The following ERI1 variants were observed in gnomAD, a reference collection of about 807,000 sequenced individuals.
ERI1 encodes 3'-5' exoribonuclease 1.
In ERI1, 39 loss-of-function variants were observed where a neutral mutation model predicts 39.7. The ratio of observed to expected loss-of-function variants is 0.98; its 90% CI spans 0.76 to 1.28. The LOEUF (loss-of-function observed/expected upper bound fraction) is 1.28. Among genes scored for constraint, ERI1 ranks in the 50% most tolerant of loss-of-function variants. The pLI, the probability that ERI1 is intolerant of heterozygous loss-of-function variation, is 0.00. For missense variants in ERI1, 581 were observed against 416.9 expected (o/e 1.39, Z -3.43); for synonymous variants, 204 against 149.6 (o/e 1.36, Z -2.65).
intron 2 of ERI1, among the ~76,000 whole-genome samples, chr8:9,010,900 A>C (rs1307428153): frequency 6.6e-6 from 1 of 152,180 alleles, no homozygotes; most frequent in Non-Finnish European, 1.5e-5. Context: ...ATGATAAATT[A>C]AGAAACTTAT....
chr8:9,060,939 G>A (rs960068233), intron 3 of ERI1, among the ~76,000 whole-genome samples: 1 of 152,240 alleles, frequency 6.6e-6, no homozygotes, highest in Admixed American at 6.5e-5. Context: ...CGCTTGCGTA[G>A]TGAGGAAACC....
rs1797569176 is a variant in ERI1, at chr8:9,031,259, C to G, written c.*1225C>G. 1 of 152,106 alleles carries G rather than the reference C, an allele frequency of 6.6e-6. No homozygotes were observed. Among genetic ancestry groups the G allele is most frequent in the Non-Finnish European group, 1.5e-5 (1 of 68,028 alleles). The allele number at this position is 152,106 out of a possible 1,614,324, so 9.4% of individuals were successfully genotyped here. On this transcript the variant is annotated 3_prime_UTR_variant, in exon 7 of 7. Transcript: ENST00000250263. ...TCCTCAAAGGTTTCCAAACCTATAT[C>G]ATATAGGGTGAAAAGCAGGAAAGTA...
chr8:9,011,629 T>TTA lies in ERI1; in HGVS notation c.377_378dup (p.Tyr127IlefsTer26), dbSNP rs1816681155. ...TGAAAGAGAGCAATTTTGCTGACAG[T>TTA]TATTATGACTACATTTGTATTATTG... On this transcript the variant is annotated frameshift_variant, in exon 3 of 7. Transcript: ENST00000250263. LOFTEE classifies it high-confidence loss of function. The TTA allele has an allele frequency of 6.2e-7, 1 of 1,613,406 alleles. No individual in the cohort carries two copies. The highest frequency in any genetic ancestry group is 1.7e-5 in the Admixed American group (1 of 59,978).
rs1797478551 is a variant in ERI1 at position 9,030,064 on chromosome 8, T to C, written c.*30T>C. ...AGTTTTGTGTGTGGATCATTCCAAT[T>C]GAAGTTGCTATGAAGAGGTAGCAGA... On this transcript the variant is annotated 3_prime_UTR_variant, in exon 7 of 7. Transcript: ENST00000250263. The C allele has an allele frequency of 6.2e-7, 1 of 1,607,846 alleles. No individual in the cohort carries two copies. The highest frequency in any genetic ancestry group is 8.5e-7 in the Non-Finnish European group (1 of 1,175,010).
At position 9,003,178 on chromosome 8, in the gene ERI1, A is replaced by G; in HGVS notation, c.108+7A>G. Reference sequence around the variant, plus strand: ...GCCGCGTCCCAGTCCCGAGGTGAGGAGTCGACCCGCGCCTGGCTGTTGGCG... The same window carrying G: ...GCCGCGTCCCAGTCCCGAGGTGAGGGGTCGACCCGCGCCTGGCTGTTGGCG... On this transcript the variant is annotated splice_region_variant and intron_variant, in intron 1 of 6. Transcript: ENST00000250263. The G allele has an allele frequency of 8.1e-7, 1 of 1,240,290 alleles. No homozygotes were observed. Among genetic ancestry groups the G allele is most frequent in the Non-Finnish European group, 1.0e-6 (1 of 990,282 alleles). 76.8% of individuals were successfully genotyped at this position (1,240,290 alleles called of 1,614,324 possible).
chr8:9,054,313 G>A (rs1319353672), intron 3 of ERI1, among the ~76,000 whole-genome samples: 1 of 152,046 alleles, frequency 6.6e-6, no homozygotes, highest in Non-Finnish European at 1.5e-5. Context: ...CGTCCTATTC[G>A]GCTGCACTTT....
chr8:9,075,329 G>T (rs1799175550), intron 3 of ERI1, among the ~76,000 whole-genome samples: 1 of 152,130 alleles, frequency 6.6e-6, no homozygotes, highest in South Asian at 2.1e-4. Flanking sequence ...TATACTATGA[G>T]GAAATGAGGG....
At chr8:9,065,012 TTGAGCCAGGA>T (rs1798831007) in intron 3 of ERI1, among the ~76,000 whole-genome samples, 2 of 152,080 alleles carry the variant, frequency 1.3e-5, no homozygotes, top group Non-Finnish European at 2.9e-5. Flanking sequence ...AGGGGAGCTT[TTGAGCCAGGA>T]TGAGCCAGGA....
intron 3 of ERI1, among the ~76,000 whole-genome samples, chr8:9,089,167 C>G (rs779003375): frequency 6.6e-6 from 1 of 152,190 alleles, no homozygotes; most frequent in South Asian, 2.1e-4. Context: ...CACTGAGTTT[C>G]TCTCACCTGT....
intron 3 of ERI1, among the ~76,000 whole-genome samples, chr8:9,050,194 T>C (rs1798312160): frequency 6.6e-6 from 1 of 151,460 alleles, no homozygotes; most frequent in Non-Finnish European, 1.5e-5. Flanking sequence ...AAGATAGCTA[T>C]TTTCGCCTTA....
At chr8:9,064,424 C>T (rs1281944010) in intron 3 of ERI1, among the ~76,000 whole-genome samples, 1 of 152,150 alleles carries the variant, frequency 6.6e-6, no homozygotes, top group African/African-American at 2.4e-5. Flanking sequence ...GGCGTCCCTA[C>T]AATGATTAAA....
chr8:9,079,215 A>G (rs6990455), intron 3 of ERI1, among the ~76,000 whole-genome samples: 82,061 of 152,104 alleles, frequency 0.54, 23,845 homozygotes, highest in African/African-American at 0.71. Context: ...GGCCTTTGGT[A>G]AAAGGGTGGA....
At chr8:9,061,482 G>T (rs534224984) in intron 3 of ERI1, among the ~76,000 whole-genome samples, 1 of 152,352 alleles carries the variant, frequency 6.6e-6, no homozygotes, top group East Asian at 1.9e-4. Flanking sequence ...ACCATAGTTT[G>T]TGATTTTAAA....
At chr8:9,070,675 T>TA (rs1373804559) in intron 3 of ERI1, among the ~76,000 whole-genome samples, 1 of 152,208 alleles carries the variant, frequency 6.6e-6, no homozygotes, top group Non-Finnish European at 1.5e-5. Context: ...TTAGTCCACT[T>TA]ACGCAGTGGA....
chr8:9,033,652 G>C (rs781296183), downstream of ERI1, among the ~76,000 whole-genome samples: 1 of 152,264 alleles, frequency 6.6e-6, no homozygotes, highest in Non-Finnish European at 1.5e-5. Flanking sequence ...TGGTGATGGA[G>C]AGAGGCATTC....
rs1797565845 is a variant in ERI1 at position 9,031,227 on chromosome 8, A to C, written c.*1193A>C. ...CTAAAGATTTATATTTTATAACCAG[A>C]TGAATTTCCTCAAAGGTTTCCAAAC... On this transcript the variant is annotated 3_prime_UTR_variant, in exon 7 of 7. Coordinates refer to ENST00000250263, the MANE Select transcript of ERI1 (RefSeq NM_153332.4). 6.6e-6 allele frequency: 1 copy of C among 152,190 alleles called. No homozygotes were observed. Among genetic ancestry groups the C allele is most frequent in the Admixed American group, 6.5e-5 (1 of 15,276 alleles). The allele number at this position is 152,190 out of a possible 1,614,324, so 9.4% of individuals were successfully genotyped here.
At chr8:9,004,230 T>G in intron 1 of ERI1, 2 of 1,249,262 alleles carry the variant, frequency 1.6e-6, no homozygotes, top group South Asian at 1.3e-5. Context: ...ACATCCCTTC[T>G]CTTGTAAAGA....
chr8:9,064,194 C>T (rs1039237659), intron 3 of ERI1, among the ~76,000 whole-genome samples: 3 of 149,708 alleles, frequency 2.0e-5, no homozygotes, highest in Non-Finnish European at 3.0e-5. Flanking sequence ...GGGTTCTTGC[C>T]CCCTAGAGAA....
chr8:9,089,456 G>T (rs1179709553), intron 3 of ERI1, among the ~76,000 whole-genome samples: 2 of 152,112 alleles, frequency 1.3e-5, no homozygotes, highest in African/African-American at 2.4e-5. Context: ...TTCTGAGAAT[G>T]ACTTGGACAC....
Sources: gnomAD v4.1 joint callset for allele counts (sites outside exome capture counted in the v4.1 genomes callset) on GRCh38, gnomAD v4.1.1 for gene constraint, MANE v1.5 for transcripts, NCBI Gene and HGNC (gene_info 2026-07-23, HGNC 2026-07-21) for gene names.